Variants in KIF13A observed in about 807,000 individuals in gnomAD.
The protein encoded by KIF13A is kinesin-like protein KIF13A.
In KIF13A, 79 loss-of-function variants were observed where a neutral mutation model predicts 212.2. The ratio of observed to expected loss-of-function variants is 0.37; its 90% confidence interval spans 0.31 to 0.45. KIF13A has a LOEUF of 0.45. Ranked by LOEUF, KIF13A falls within the 20% of genes least tolerant of loss-of-function variation. KIF13A has a pLI of 1.00. For synonymous variants in KIF13A, 789 were observed against 808.6 expected (o/e 0.98, Z 0.41); for missense variants, 1,901 against 2,209.0 (o/e 0.86, Z 2.79).
chr6:17,831,989 G>A (rs918436771), intron 12 of KIF13A, among the ~76,000 whole-genome samples: 2 of 152,124 alleles, frequency 1.3e-5, no homozygotes, highest in African/African-American at 4.8e-5. Flanking sequence ...AGTCAATATG[G>A]TACATAGAAT....
chr6:17,922,533 T>A (rs2150522911), intron 2 of KIF13A, among the ~76,000 whole-genome samples: 1 of 152,090 alleles, frequency 6.6e-6, no homozygotes, highest in South Asian at 2.1e-4. Flanking sequence ...TCAACATGAT[T>A]CTATTACATT....
Position 17,831,253 on chromosome 6 carries a change from C to T in KIF13A, c.1267-18G>A, listed in dbSNP as rs1162536096. Reference sequence around the variant, plus strand: ...TGTCTTTCCTGTGCACAAAAACAGACAAAAGAAGGAAACTCTGTTTGTTGT... The same window carrying T: ...TGTCTTTCCTGTGCACAAAAACAGATAAAAGAAGGAAACTCTGTTTGTTGT... On this transcript the variant is annotated intron_variant, in intron 12 of 38. Transcript: ENST00000259711. 1.9e-6 allele frequency: 3 copies of T among 1,599,642 alleles called. No homozygotes were observed. The highest frequency in any genetic ancestry group is 3.6e-5 in the Admixed American group (2 of 55,920).
In KIF13A at chr6:17,777,397, C is replaced by A; in HGVS notation, c.4093-43G>T. 8.5e-7 allele frequency: 1 copy of A among 1,182,682 alleles called. No individual in the cohort carries two copies. Among genetic ancestry groups the A allele is most frequent in the Non-Finnish European group, 1.2e-6 (1 of 847,522 alleles). 73.3% of individuals were successfully genotyped at this position (1,182,682 alleles called of 1,614,324 possible). A position where few individuals can be genotyped will look rare whatever the true frequency, so the allele number is the denominator to read the frequency against. On this transcript the variant is annotated intron_variant, in intron 33 of 38. Coordinates refer to ENST00000259711, the MANE Select transcript of KIF13A (RefSeq NM_022113.6). This position sits in a 1 kb window ranked among gnomAD's most constrained non-coding sequence, Gnocchi z 4.4. Reference sequence around the variant, plus strand: ...TGAAAATAACACTTTTTTTTTTTTTCCCCAGAGACAGAGTCTCACTCTGTT... The same window carrying A: ...TGAAAATAACACTTTTTTTTTTTTTACCCAGAGACAGAGTCTCACTCTGTT...
chr6:17,845,346 C>T (rs1244594768), intron 9 of KIF13A, among the ~76,000 whole-genome samples: 1 of 152,156 alleles, frequency 6.6e-6, no homozygotes, highest in Non-Finnish European at 1.5e-5. Flanking sequence ...ACTAGAAATA[C>T]CATGCTTACA....
intron 18 of KIF13A, 76 bp downstream of exon 18, chr6:17,808,692 G>T: frequency 7.3e-7 from 1 of 1,379,210 alleles, no homozygotes; most frequent in Non-Finnish European, 9.8e-7. Context: ...CATGTTTCTG[G>T]GGTTTCAGTT....
At chr6:17,978,479 T>C (rs1561832897) in intron 2 of KIF13A, among the ~76,000 whole-genome samples, 2 of 152,242 alleles carry the variant, frequency 1.3e-5, no homozygotes, top group Admixed American at 1.3e-4. Flanking sequence ...ACATCCTTTG[T>C]TGATAGCTCT....
chr6:17,907,107 G>A (rs1446556493), intron 2 of KIF13A, among the ~76,000 whole-genome samples: 1 of 152,148 alleles, frequency 6.6e-6, no homozygotes, highest in African/African-American at 2.4e-5. Context: ...TTCTAATTAT[G>A]TGCCAGATAG....
At chr6:17,854,753 A>G (rs1424391784) in intron 6 of KIF13A, among the ~76,000 whole-genome samples, 3 of 151,314 alleles carry the variant, frequency 2.0e-5, no homozygotes, top group Non-Finnish European at 2.9e-5. Context: ...GGGTTTTGTC[A>G]TGTTGGTCAG....
At chr6:17,770,913 AAAATAAAT>A in intron 38 of KIF13A, 193 bp downstream of exon 38, 1 of 528,740 alleles carries the variant, frequency 1.9e-6, no homozygotes, top group Non-Finnish European at 3.2e-6. Context: ...ACTTAAGCAA[AAAATAAAT>A]AAATAAATAA....
chr6:17,938,336 T>C (rs771896406), intron 2 of KIF13A, among the ~76,000 whole-genome samples: 5 of 152,152 alleles, frequency 3.3e-5, no homozygotes, highest in Non-Finnish European at 7.3e-5. Flanking sequence ...AAAAGAATGG[T>C]AATGAAACAA....
chr6:17,797,240 ACGATGGT>A (rs1762120371), intron 22 of KIF13A, among the ~76,000 whole-genome samples: 2 of 152,152 alleles, frequency 1.3e-5, no homozygotes, highest in South Asian at 4.1e-4. Context: ...CGTGTTAGCT[ACGATGGT>A]CTCGATCTCC....
chr6:17,929,067 A>AC (rs1561772244), intron 2 of KIF13A, among the ~76,000 whole-genome samples: 3 of 115,054 alleles, frequency 2.6e-5, no homozygotes, highest in Non-Finnish European at 3.7e-5. Flanking sequence ...CTCAAAAAAA[A>AC]AAAAAAAAAA....
Position 17,984,506 on chromosome 6 carries a change from C to T in KIF13A, c.146+2548G>A, listed in dbSNP as rs1266701988. On this transcript the variant is annotated intron_variant, in intron 2 of 38. Coordinates refer to ENST00000259711, the MANE Select transcript of KIF13A (RefSeq NM_022113.6). This position sits in a 1 kb window ranked among gnomAD's most constrained non-coding sequence, Gnocchi z 5.0. ...ACAAACATCTTTAACCTCAGAGATC[C>T]TCTGATCTTTTAGTCCTAGCTACAC... 7.4e-5 allele frequency: 73 copies of T among 984,804 alleles called. No individual in the cohort carries two copies. Among genetic ancestry groups the T allele is most frequent in the Non-Finnish European group, 8.7e-5 (72 of 829,602 alleles). The allele number at this position is 984,804 out of a possible 1,614,324, so 61.0% of individuals were successfully genotyped here.
rs146050085 is a variant in KIF13A at position 17,919,775 on chromosome 6, C to T, written c.147-21595G>A. ...GACAAGAGGTGAAAGCTGAGGGCAA[C>T]CCAAGCCCCTTTCACCATGTGGAAA... On this transcript the variant is annotated intron_variant, in intron 2 of 38. Transcript: ENST00000259711. The surrounding 1 kb of genome is among the most constrained non-coding windows in gnomAD (Gnocchi z 4.1). Among the ~76,000 whole-genome samples the T allele has an allele frequency of 3.0e-3, 456 of 152,274 alleles. 1 individual carries two copies. The highest frequency in any genetic ancestry group is 5.3e-3 in the Non-Finnish European group (358 of 68,028).
Position 17,771,241 on chromosome 6 carries a change from A to G in KIF13A, c.4477-23T>C. On this transcript the variant is annotated intron_variant, in intron 37 of 38. Coordinates refer to ENST00000259711, the MANE Select transcript of KIF13A (RefSeq NM_022113.6). This position sits in a 1 kb window ranked among gnomAD's most constrained non-coding sequence, Gnocchi z 5.4. ...GCTCTGCAAAGGTTAAGACACACAG[A>G]TGCATCACACACAAAGACGACAACG... 1 of 1,523,014 alleles carries G rather than the reference A, an allele frequency of 6.6e-7. No homozygotes were observed. The highest frequency in any genetic ancestry group is 9.1e-7 in the Non-Finnish European group (1 of 1,101,598). The allele number at this position is 1,523,014 out of a possible 1,614,324, so 94.3% of individuals were successfully genotyped here.
chr6:17,771,506 C>A lies in KIF13A; in HGVS notation c.4477-288G>T. The stretch of plus-strand genomic sequence containing the variant: ...CCTTGGGAGGCTGGGGCAAAAGAAT[C>A]ACTTGAGGCCAGGAGTTTCAGACCA... On this transcript the variant is annotated intron_variant, in intron 37 of 38. Coordinates refer to ENST00000259711, the MANE Select transcript of KIF13A (RefSeq NM_022113.6). This position sits in a 1 kb window ranked among gnomAD's most constrained non-coding sequence, Gnocchi z 5.4. The A allele has an allele frequency of 2.4e-6, 1 of 411,246 alleles. No homozygotes were observed. The highest frequency in any genetic ancestry group is 4.3e-6 in the Non-Finnish European group (1 of 230,522). 25.5% of individuals were successfully genotyped at this position (411,246 alleles called of 1,614,324 possible).
rs981864193 is a variant in KIF13A at position 17,776,270 on chromosome 6, C to A, written c.4170+1007G>T. ...ATATTTCCTAATAGTAGCCCTCACT[C>A]TCTCATTTTTTCTACTGTCTAGTAT... On this transcript the variant is annotated intron_variant, in intron 34 of 38. Transcript: ENST00000259711. The surrounding 1 kb of genome is among the most constrained non-coding windows in gnomAD (Gnocchi z 4.6). Among the ~76,000 whole-genome samples the A allele has an allele frequency of 2.6e-5, 4 of 152,140 alleles. No homozygotes were observed. The highest frequency in any genetic ancestry group is 5.9e-5 in the Non-Finnish European group (4 of 68,022).
intron 3 of KIF13A, among the ~76,000 whole-genome samples, chr6:17,874,984 C>G (rs1770385860): frequency 1.1e-5 from 1 of 91,518 alleles, no homozygotes; most frequent in South Asian, 4.7e-4. Flanking sequence ...CCACCACACA[C>G]ACACACACGC....
In KIF13A at chr6:17,837,007, T is replaced by C. The variant is rs200457507; in HGVS notation, c.1026A>G (p.Thr342=). 1.2e-5 allele frequency: 19 copies of C among 1,613,976 alleles called. No homozygotes were observed. Among genetic ancestry groups the C allele is most frequent in the Non-Finnish European group, 1.6e-5 (19 of 1,179,892 alleles). Residue 342 remains threonine (T), a synonymous_variant, in exon 11 of 39, where the codon ACA becomes ACG. Transcript: ENST00000259711. This position sits in a 1 kb window ranked among gnomAD's most constrained non-coding sequence, Gnocchi z 5.4. ...TTTTGGCTCGGTCTGCATATCTTAA[T>C]GTGGAGAGGGTCTCTTCATAGTTGT... ...AADNYEETLS[T]LRYADRAKRI... is the part of the protein sequence containing the mutation.
Sources: gnomAD v4.1 joint callset for allele counts (sites outside exome capture counted in the v4.1 genomes callset) on GRCh38, gnomAD v4.1.1 for gene constraint, Gnocchi (gnomAD v3.1) non-coding constraint, MANE v1.5 for transcripts, NCBI Gene and HGNC (gene_info 2026-07-23, HGNC 2026-07-21) for gene names.